Variants in SH3TC1 observed in about 807,000 individuals in gnomAD.
The protein encoded by SH3TC1 is SH3 domain and tetratricopeptide repeats 1.
SH3TC1 carries 135 observed loss-of-function variants against 117.3 expected under a neutral mutation model. The ratio of observed to expected loss-of-function variants is 1.15; its 90% confidence interval spans 1.00 to 1.33. SH3TC1 has a LOEUF of 1.33. SH3TC1 is among the 40% of genes most tolerant of loss of function. The pLI is 0.00. For missense variants in SH3TC1, 2,092 were observed against 1,794.3 expected, an observed-to-expected ratio of 1.17 and a Z score of -3.00; for synonymous variants, 898 against 816.9, an observed-to-expected ratio of 1.10 and a Z score of -1.69.
rs962152819 is a variant in SH3TC1 at position 8,205,187 on chromosome 4, T to C, written c.-8T>C. ...CACAGGGCCAGGCATGTGAGGTCTC[T>C]GCGGGTCATGGAGAACCTCCCTGCC... On this transcript the variant is annotated 5_prime_UTR_variant, in exon 2 of 18. Coordinates refer to ENST00000245105, the MANE Select transcript of SH3TC1 (RefSeq NM_018986.5). The surrounding 1 kb of genome is among the most constrained non-coding windows in gnomAD (Gnocchi z 5.4). The C allele has an allele frequency of 6.6e-7, 1 of 1,517,400 alleles. No homozygotes were observed. The highest frequency in any genetic ancestry group is 8.8e-7 in the Non-Finnish European group (1 of 1,133,014). 94.0% of individuals were successfully genotyped at this position (1,517,400 alleles called of 1,614,324 possible).
At chr4:8,215,067 G>A (rs759488314) in intron 5 of SH3TC1, 8 of 441,714 alleles carry the variant, frequency 1.8e-5, no homozygotes, top group East Asian at 7.2e-5. Flanking sequence ...GAGAAATGCC[G>A]GGTAGGCGGA....
rs1486344773 is a variant in SH3TC1 at position 8,236,291 on chromosome 4, C to A, written c.3419C>A (p.Pro1140His). 6.4e-7 allele frequency: 1 copy of A among 1,554,608 alleles called. No homozygotes were observed. Among genetic ancestry groups the A allele is most frequent in the Middle Eastern group, 2.1e-4 (1 of 4,792 alleles). The change falls in exon 16 of 18, where the codon CCC becomes CAC. Residue 1140 changes from proline to histidine, a missense_variant. Coordinates refer to ENST00000245105, the MANE Select transcript of SH3TC1 (RefSeq NM_018986.5). ...CCTGTGTGGCAGGACCGGGCCCTGC[C>A]CCTGGCAGTGACTACGGGCAACCGC... ...AVSFYRDRAL[P>H]LAVTTGNRKA...
At chr4:8,231,497 T>A (rs1721203426) in intron 12 of SH3TC1, 1 of 160,398 alleles carries the variant, frequency 6.2e-6, no homozygotes, top group South Asian at 1.8e-4. Context: ...GAGAGGCCCG[T>A]GAGCCTGTGG....
chr4:8,241,013 G>T lies in SH3TC1; in HGVS notation c.*58G>T, dbSNP rs8153. 9.0e-5 allele frequency: 142 copies of T among 1,577,592 alleles called. No individual in the cohort carries two copies. The highest frequency in any genetic ancestry group is 1.2e-4 in the Non-Finnish European group (137 of 1,163,830). On this transcript the variant is annotated 3_prime_UTR_variant, in exon 18 of 18. Transcript: ENST00000245105. ...GGGCTGGGGGTCTCCTGCCTCTCCT[G>T]GTGTCGCCGGTGGCTCATTTTCTGG...
At chr4:8,184,102 T>G (rs1051444260) in intron 1 of SH3TC1, among the ~76,000 whole-genome samples, 1 of 152,184 alleles carries the variant, frequency 6.6e-6, no homozygotes, top group Non-Finnish European at 1.5e-5. Flanking sequence ...GGCATATATG[T>G]GTACACCAAC....
Position 8,212,697 on chromosome 4 carries a change from C to T in SH3TC1, c.248-4C>T, listed in dbSNP as rs780432334. ...AACTGCCCAACCTCCGTCTGCCCCT[C>T]CAGACCTGACCCTGCAGCTGCTGGC... On this transcript the variant is annotated splice_region_variant and splice_polypyrimidine_tract_variant and intron_variant, in intron 3 of 17. Transcript: ENST00000245105. 19 of 1,612,886 alleles carry T rather than the reference C, an allele frequency of 1.2e-5. No individual in the cohort carries two copies. The highest frequency in any genetic ancestry group is 1.7e-5 in the Admixed American group (1 of 60,004).
rs907754124 is a variant in SH3TC1, at chr4:8,183,506, A to G, written c.-57+1296A>G. ...CAGCCCCACCCAAGCAGGCGGCTCCAGGCTTGGCTGGGATCCCGCAGTGAC... is the reference window on the plus strand; with the variant it reads ...CAGCCCCACCCAAGCAGGCGGCTCCGGGCTTGGCTGGGATCCCGCAGTGAC... On this transcript the variant is annotated intron_variant, in intron 1 of 16. Coordinates refer to the SH3TC1 transcript ENST00000508641. The surrounding 1 kb of genome is among the most constrained non-coding windows in gnomAD (Gnocchi z 5.4). Among the ~76,000 whole-genome samples, 6 of 152,226 alleles carry G rather than the reference A, an allele frequency of 3.9e-5. No homozygotes were observed. The highest frequency in any genetic ancestry group is 6.5e-5 in the Admixed American group (1 of 15,286).
chr4:8,203,214 AG>A (rs1395757860), intron 1 of SH3TC1, among the ~76,000 whole-genome samples: 1 of 152,098 alleles, frequency 6.6e-6, no homozygotes. Context: ...GGGTGGGAAA[AG>A]GCATGGCAGG....
At chr4:8,228,760 TGGCAA>T in intron 12 of SH3TC1, 116 bp downstream of exon 12, 1 of 907,098 alleles carries the variant, frequency 1.1e-6, no homozygotes, top group Non-Finnish European at 1.6e-6. Flanking sequence ...TGCTGAGTCA[TGGCAA>T]ACAGCAGATG....
chr4:8,198,942 C>G (rs1373203214), upstream of SH3TC1, among the ~76,000 whole-genome samples: 2 of 151,708 alleles, frequency 1.3e-5, no homozygotes, highest in African/African-American at 2.4e-5. Context: ...TGCAGGCATG[C>G]GTGTGTGTGT....
chr4:8,231,777 T>G, intron 12 of SH3TC1, 199 bp from the exon 13 acceptor site: 3 of 597,554 alleles, frequency 5.0e-6, no homozygotes, highest in South Asian at 2.1e-5. Context: ...GCCCTGGGAG[T>G]TGTAAAGAAG....
rs766142196 is a variant in SH3TC1, at chr4:8,219,366, C to T, written c.948C>T (p.Phe316=). ...AVGLASALAD[F]QGSGPEEMTF... is the part of the protein sequence containing the mutation. ...GCCTGGCCTCGGCATTGGCAGACTTCCAGGGCTCGGGGCCCGAAGAGATGA... is the reference window on the plus strand; with the variant it reads ...GCCTGGCCTCGGCATTGGCAGACTTTCAGGGCTCGGGGCCCGAAGAGATGA... The change falls in exon 9 of 18, where the codon TTC becomes TTT. Residue 316 remains phenylalanine (F), a synonymous_variant. Coordinates refer to ENST00000245105, the MANE Select transcript of SH3TC1 (RefSeq NM_018986.5). The T allele has an allele frequency of 6.2e-7, 1 of 1,604,088 alleles. No homozygotes were observed. Among genetic ancestry groups the T allele is most frequent in the Admixed American group, 1.7e-5 (1 of 59,548 alleles).
chr4:8,214,545 A>C lies in SH3TC1; in HGVS notation c.446A>C (p.Glu149Ala). Residue 149 changes from glutamate to alanine, a missense_variant, in exon 5 of 18, where the codon GAA (glutamate) becomes GCA (alanine). Glu to Ala is a moderately radical substitution (Grantham distance 107). Transcript: ENST00000245105. ...ATCGTGGTGACGTTTAAGACTTTTG[A>C]AGAAATCTGGAAGTTTTCCACCTAC... is the stretch of plus-strand genomic sequence containing the variant. ...DRIVVTFKTF[E>A]EIWKFSTYHA... 6.2e-7 allele frequency: 1 copy of C among 1,613,900 alleles called. No homozygotes were observed. The highest frequency in any genetic ancestry group is 8.5e-7 in the Non-Finnish European group (1 of 1,179,974).
At chr4:8,232,191 G>C in intron 13 of SH3TC1, 35 bp downstream of exon 13, 1 of 367,488 alleles carries the variant, frequency 2.7e-6, no homozygotes, top group Non-Finnish European at 5.3e-6. Context: ...GGGGCGGGGG[G>C]AGGGGGCAAA....
chr4:8,208,805 C>T (rs552439021), intron 2 of SH3TC1, among the ~76,000 whole-genome samples: 3 of 152,350 alleles, frequency 2.0e-5, no homozygotes, highest in Non-Finnish European at 2.9e-5. Context: ...AAGTGAACAC[C>T]GTCCCAATGC....
At chr4:8,207,559 C>T (rs1017847264) in intron 2 of SH3TC1, among the ~76,000 whole-genome samples, 1 of 152,204 alleles carries the variant, frequency 6.6e-6, no homozygotes, top group Non-Finnish European at 1.5e-5. Flanking sequence ...CAACCCTTCT[C>T]CATTCAGCAA....
chr4:8,230,486 GAA>G (rs1721090452), intron 12 of SH3TC1, among the ~76,000 whole-genome samples: 1 of 152,100 alleles, frequency 6.6e-6, no homozygotes, highest in African/African-American at 2.4e-5. Flanking sequence ...TCAGTCTGGT[GAA>G]AGATTTGTCA....
At chr4:8,203,201 C>T (rs531762335) in intron 1 of SH3TC1, among the ~76,000 whole-genome samples, 3 of 152,182 alleles carry the variant, frequency 2.0e-5, no homozygotes, top group South Asian at 2.1e-4. Context: ...AGGAGGTGCT[C>T]GTGGGTGGGA....
intron 4 of SH3TC1, among the ~76,000 whole-genome samples, chr4:8,213,756 C>T (rs1718957545): frequency 6.6e-6 from 1 of 152,010 alleles, no homozygotes; most frequent in South Asian, 2.1e-4. Context: ...AAAAGTTAGC[C>T]AGGCGTGATG....
Sources: allele counts gnomAD v4.1 joint callset (sites outside exome capture counted in the v4.1 genomes callset), GRCh38; gene constraint gnomAD v4.1.1; non-coding constraint Gnocchi (gnomAD v3.1); transcripts MANE v1.5; gene names NCBI Gene and HGNC (gene_info 2026-07-23, HGNC 2026-07-21).